The following NELL1 variants were observed in gnomAD, a reference collection of about 807,000 sequenced individuals.
NELL1 encodes neural EGFL like 1.
Under a neutral mutation model 107.4 loss-of-function variants are expected in NELL1, and 76 were observed. The ratio of observed to expected loss-of-function variants is 0.71; its 90% CI spans 0.59 to 0.86. NELL1 has a LOEUF of 0.86. Among genes scored for constraint, NELL1 ranks in the 40% least tolerant of loss-of-function variants. The pLI, the probability that NELL1 is intolerant of heterozygous loss-of-function variation, is 0.00. For synonymous variants in NELL1, 353 were observed against 341.2 expected (o/e 1.03, Z -0.38); for missense variants, 1,024 against 1,005.5 (o/e 1.02, Z -0.25).
At chr11:21,000,045 C>G (rs1186844407) in intron 12 of NELL1, among the ~76,000 whole-genome samples, 1 of 151,956 alleles carries the variant, frequency 6.6e-6, no homozygotes, top group Non-Finnish European at 1.5e-5. Context: ...TCAGATCCAC[C>G]AAGGGTAAAT....
intron 15 of NELL1, among the ~76,000 whole-genome samples, chr11:21,444,509 G>T (rs775044277): frequency 2.0e-5 from 3 of 151,998 alleles, no homozygotes; most frequent in Non-Finnish European, 4.4e-5. Context: ...TTGAGTCTTT[G>T]CTAATAGTAC....
chr11:20,896,916 T>C (rs1463797416), intron 5 of NELL1, among the ~76,000 whole-genome samples: 4 of 151,786 alleles, frequency 2.6e-5, no homozygotes, highest in African/African-American at 9.7e-5. Context: ...TAAAAGAGGA[T>C]ACAAACAAAT....
chr11:20,671,817 A>C (rs1189139640), intron 1 of NELL1, among the ~76,000 whole-genome samples: 1 of 152,074 alleles, frequency 6.6e-6, no homozygotes, highest in African/African-American at 2.4e-5. Flanking sequence ...GTATTAAGGA[A>C]ATGTGGAGGA....
At chr11:21,195,464 A>T (rs1354863080) in intron 13 of NELL1, among the ~76,000 whole-genome samples, 2 of 150,204 alleles carry the variant, frequency 1.3e-5, no homozygotes, top group Non-Finnish European at 2.9e-5. Context: ...CTATTCTTTC[A>T]TTTTCTTCCT....
chr11:20,970,045 A>G (rs1851464200), intron 12 of NELL1, among the ~76,000 whole-genome samples: 1 of 145,394 alleles, frequency 6.9e-6, no homozygotes, highest in Admixed American at 7.1e-5. Flanking sequence ...TATCTAATCT[A>G]TCTCTCTGTC....
chr11:21,205,081 A>T (rs913600803), intron 13 of NELL1, among the ~76,000 whole-genome samples: 9 of 152,168 alleles, frequency 5.9e-5, no homozygotes, highest in Non-Finnish European at 1.3e-4. Context: ...GTCAGGAGAC[A>T]TGGGGGTCAG....
At chr11:20,674,172 G>C (rs1242926554) in intron 1 of NELL1, among the ~76,000 whole-genome samples, 1 of 152,134 alleles carries the variant, frequency 6.6e-6, no homozygotes, top group Non-Finnish European at 1.5e-5. Context: ...GAATATACAT[G>C]TCATATATGG....
In NELL1 at chr11:21,384,544, C is replaced by G. The variant is rs182362597; in HGVS notation, c.1645+13596C>G. Among the ~76,000 whole-genome samples the G allele has an allele frequency of 3.9e-5, 6 of 151,996 alleles. No homozygotes were observed. In the East Asian group the frequency reaches 1.2e-3, roughly 30 times the overall value. The stretch of plus-strand genomic sequence containing the variant: ...ATGTGCCATGCTGGTGCGCTGCACC[C>G]ACTAACTCGTCATCTAGCATTAGGT... On this transcript the variant is annotated intron_variant, in intron 15 of 19. Transcript: ENST00000357134.
At chr11:20,812,731 G>C (rs985184656) in intron 3 of NELL1, among the ~76,000 whole-genome samples, 1 of 151,990 alleles carries the variant, frequency 6.6e-6, no homozygotes, top group Non-Finnish European at 1.5e-5. Flanking sequence ...CAGAGGGGCC[G>C]GGCGCGGTGG....
At chr11:21,254,245 G>T (rs1374053882) in intron 14 of NELL1, among the ~76,000 whole-genome samples, 2 of 152,054 alleles carry the variant, frequency 1.3e-5, no homozygotes, top group East Asian at 3.9e-4. Flanking sequence ...TGTGAAGTCA[G>T]CATATGTTAA....
At chr11:20,748,582 C>G (rs1046135388) in intron 2 of NELL1, among the ~76,000 whole-genome samples, 1 of 151,928 alleles carries the variant, frequency 6.6e-6, no homozygotes, top group African/African-American at 2.4e-5. Flanking sequence ...TTCTCAGTCT[C>G]CAAAATTTAT....
chr11:20,738,739 A>G (rs1354424363), intron 2 of NELL1, among the ~76,000 whole-genome samples: 1 of 152,160 alleles, frequency 6.6e-6, no homozygotes, highest in South Asian at 2.1e-4. Flanking sequence ...TGAATCACCA[A>G]TGAGGTAATG....
intron 12 of NELL1, among the ~76,000 whole-genome samples, chr11:21,094,872 C>T (rs1415873339): frequency 6.6e-6 from 1 of 152,222 alleles, no homozygotes; most frequent in Non-Finnish European, 1.5e-5. Context: ...CTGACATGCC[C>T]TGGAGATATT....
intron 12 of NELL1, among the ~76,000 whole-genome samples, chr11:21,063,473 CT>C (rs1178864056): frequency 6.6e-6 from 1 of 152,188 alleles, no homozygotes; most frequent in Non-Finnish European, 1.5e-5. Flanking sequence ...TAGGCTTCTT[CT>C]TTTTGGTGAC....
rs34422649 is a variant in NELL1, at chr11:21,161,944, C to CTTTTTTTT, written c.1426+48247_1426+48254dup. 7.3e-4 allele frequency among the ~76,000 whole-genome samples: 61 copies of CTTTTTTTT among 83,054 alleles called. 2 individuals carry two copies. The highest frequency in any genetic ancestry group is 9.6e-4 in the African/African-American group (20 of 20,784). The allele number at this position is 83,054 out of a possible 152,430, so 54.5% of individuals were successfully genotyped here. On this transcript the variant is annotated intron_variant, in intron 13 of 19. Transcript: ENST00000357134. ...CCAATCTTTTCTCTGGGAACATAAT[C>CTTTTTTTT]TTTTTTTTTTTTTTTTTTTTTTTTG...
chr11:21,084,225 C>T (rs1854336415), intron 12 of NELL1, among the ~76,000 whole-genome samples: 3 of 152,092 alleles, frequency 2.0e-5, no homozygotes, highest in Admixed American at 2.0e-4. Flanking sequence ...ACACTGAGGT[C>T]CTGGACATAT....
intron 3 of NELL1, among the ~76,000 whole-genome samples, chr11:20,837,033 G>T (rs770750749): frequency 2.5e-4 from 38 of 152,118 alleles, no homozygotes; most frequent in Non-Finnish European, 4.4e-4. Context: ...TATTATAAAT[G>T]TGTGAAATAA....
At chr11:21,155,044 G>T (rs1355572162) in intron 13 of NELL1, among the ~76,000 whole-genome samples, 1 of 152,126 alleles carries the variant, frequency 6.6e-6, no homozygotes, top group Non-Finnish European at 1.5e-5. Flanking sequence ...AGAGACAGTG[G>T]TCTGAAGACA....
intron 12 of NELL1, among the ~76,000 whole-genome samples, chr11:20,968,712 T>C (rs1851434844): frequency 6.6e-6 from 1 of 152,226 alleles, no homozygotes; most frequent in South Asian, 2.1e-4. Context: ...TTCAAATGGA[T>C]GTTCCAGCTT....
Sources: gnomAD v4.1 joint callset for allele counts (sites outside exome capture counted in the v4.1 genomes callset) on GRCh38, gnomAD v4.1.1 for gene constraint, MANE v1.5 for transcripts, NCBI Gene and HGNC (gene_info 2026-07-23, HGNC 2026-07-21) for gene names.